Variants in ARMC12 observed in about 807,000 individuals in gnomAD.
ARMC12 encodes the protein armadillo repeat-containing protein 12.
Under a neutral mutation model 37.4 loss-of-function variants are expected in ARMC12, and 25 were observed. That is an observed-to-expected ratio of 0.67 (90% CI 0.49 to 0.93). The LOEUF (loss-of-function observed/expected upper bound fraction) is 0.93. Ranked by LOEUF, ARMC12 falls within the 40% of genes least tolerant of loss-of-function variation. ARMC12 has a pLI of 0.00. For synonymous variants in ARMC12, 167 were observed against 176.1 expected, an observed-to-expected ratio of 0.95 and a Z score of 0.41; for missense variants, 384 against 426.6, an observed-to-expected ratio of 0.90 and a Z score of 0.88.
In ARMC12 at chr6:35,748,909, T is replaced by G; in HGVS notation, c.*39T>G. The G allele has an allele frequency of 6.5e-7, 1 of 1,535,696 alleles. No homozygotes were observed. Among genetic ancestry groups the G allele is most frequent in the South Asian group, 1.3e-5 (1 of 79,002 alleles). ...CAATAAATGAGTATAGGAGAGAAAC[T>G]TGAAGTTTCTTGAAGCTCGAATGTC... On this transcript the variant is annotated 3_prime_UTR_variant, in exon 6 of 6. Coordinates refer to ENST00000373866, the MANE Select transcript of ARMC12 (RefSeq NM_001286574.2).
intron 3 of ARMC12, among the ~76,000 whole-genome samples, chr6:35,745,866 CG>C (rs941246931): frequency 1.6e-4 from 25 of 152,014 alleles, no homozygotes; most frequent in African/African-American, 5.8e-4. Context: ...GCCAACATGG[CG>C]AAAACCCGTC....
At chr6:35,743,538 C>A (rs182051952) in intron 3 of ARMC12, among the ~76,000 whole-genome samples, 1 of 152,060 alleles carries the variant, frequency 6.6e-6, no homozygotes, top group Non-Finnish European at 1.5e-5. Context: ...ATCCTAGAAC[C>A]GAAGATCCCT....
In ARMC12 at chr6:35,738,368, C is replaced by T. The variant is rs773837883; in HGVS notation, c.310-16C>T. ...CCCGCTTCTCCTGCCTCTTCCATCT[C>T]TCCCCAATACTCCAGGCCTCTGCTT... On this transcript the variant is annotated splice_polypyrimidine_tract_variant and intron_variant, in intron 2 of 5. Transcript: ENST00000373866. The T allele has an allele frequency of 6.2e-7, 1 of 1,611,542 alleles. No homozygotes were observed. Among genetic ancestry groups the T allele is most frequent in the African/African-American group, 1.3e-5 (1 of 74,606 alleles).
At chr6:35,745,946 T>G (rs889528381) in intron 3 of ARMC12, among the ~76,000 whole-genome samples, 4 of 152,136 alleles carry the variant, frequency 2.6e-5, no homozygotes, top group Non-Finnish European at 5.9e-5. Flanking sequence ...CTTGGGAGGC[T>G]GAGGCAGGAG....
Position 35,737,124 on chromosome 6 carries a change from C to G in ARMC12, c.16C>G (p.Pro6Ala), listed in dbSNP as rs747366555. ...CACTGAAGACATGGGCAAGAGCATC[C>G]CCCAATACCTGGGGCAACTGGACAT... MGKSI[P>A]QYLGQLDIRK... The change falls in exon 1 of 6, where the codon CCC becomes GCC. Residue 6 changes from proline (P) to alanine (A), a missense_variant. Physicochemically the swap from Pro to Ala is conservative, Grantham distance 27 (BLOSUM62 -1). Coordinates refer to ENST00000373866, the MANE Select transcript of ARMC12 (RefSeq NM_001286574.2). 36 of 1,614,066 alleles carry G rather than the reference C, an allele frequency of 2.2e-5. No individual in the cohort carries two copies. The Admixed American group carries it at 6.0e-4, about 27-fold the overall frequency.
chr6:35,736,711 G>A (rs1236117480), upstream of ARMC12: 16 of 219,846 alleles, frequency 7.3e-5, no homozygotes, highest in East Asian at 1.1e-4. Context: ...AGGCTTAAGC[G>A]ATTCTCCTGC....
chr6:35,747,160 G>A, intron 3 of ARMC12, 101 bp from the exon 4 acceptor site: 1 of 1,315,144 alleles, frequency 7.6e-7, no homozygotes, highest in Non-Finnish European at 1.0e-6. Context: ...TATTGGGTTT[G>A]GCCCAGGGGA....
In ARMC12 at chr6:35,737,159, C is replaced by G; in HGVS notation, c.51C>G (p.Ser17Arg). 1 of 1,614,218 alleles carries G rather than the reference C, an allele frequency of 6.2e-7. No homozygotes were observed. The highest frequency in any genetic ancestry group is 8.5e-7 in the Non-Finnish European group (1 of 1,180,036). Residue 17 changes from serine to arginine, a missense_variant, in exon 1 of 6, where the codon AGC becomes AGG. By Grantham distance (110) the Ser-to-Arg change is moderately radical. Coordinates refer to ENST00000373866, the MANE Select transcript of ARMC12 (RefSeq NM_001286574.2). ...TGGGGCAACTGGACATCCGCAAAAG[C>G]GTAGTCAGCCTGGCCACAGGCGCCG... ...QYLGQLDIRK[S>R]VVSLATGAGA...
intron 3 of ARMC12, among the ~76,000 whole-genome samples, chr6:35,740,526 CA>C (rs1424133760): frequency 1.1e-4 from 16 of 152,142 alleles, no homozygotes. Flanking sequence ...AAATTAAAAA[CA>C]AATAAAATAT....
Position 35,737,286 on chromosome 6 carries a change from C to A in ARMC12, c.163+15C>A. 2.5e-6 allele frequency: 4 copies of A among 1,614,252 alleles called. No homozygotes were observed. The highest frequency in any genetic ancestry group is 3.4e-6 in the Non-Finnish European group (4 of 1,180,046). On this transcript the variant is annotated intron_variant, in intron 1 of 5. Coordinates refer to ENST00000373866, the MANE Select transcript of ARMC12 (RefSeq NM_001286574.2). ...CTGCATCGCCCGTGAGTGTCCGGGCCCTGGGGAGAGGGCTCTGCCCCAGGA... is the reference window on the plus strand; with the variant it reads ...CTGCATCGCCCGTGAGTGTCCGGGCACTGGGGAGAGGGCTCTGCCCCAGGA...
In ARMC12 at chr6:35,748,950, A is replaced by C. The variant is rs1008607186; in HGVS notation, c.*80A>C. 2 of 1,404,308 alleles carry C rather than the reference A, an allele frequency of 1.4e-6. No homozygotes were observed. Among genetic ancestry groups the C allele is most frequent in the Admixed American group, 2.4e-5 (1 of 42,228 alleles). The allele number at this position is 1,404,308 out of a possible 1,614,324, so 87.0% of individuals were successfully genotyped here. Reference sequence around the variant, plus strand: ...CTCGAATGTCTGTTGGTGGCCTTCCAGGGCTGGGTGGAGATTTCATTCAGC... The same window carrying C: ...CTCGAATGTCTGTTGGTGGCCTTCCCGGGCTGGGTGGAGATTTCATTCAGC... On this transcript the variant is annotated 3_prime_UTR_variant, in exon 6 of 6. Coordinates refer to ENST00000373866, the MANE Select transcript of ARMC12 (RefSeq NM_001286574.2).
intron 3 of ARMC12, among the ~76,000 whole-genome samples, chr6:35,738,805 C>T (rs1403757909): frequency 6.6e-6 from 1 of 152,100 alleles, no homozygotes; most frequent in Non-Finnish European, 1.5e-5. Flanking sequence ...GACACCAATT[C>T]CCAACACTGG....
chr6:35,737,772 C>T (rs779798695), intron 1 of ARMC12, among the ~76,000 whole-genome samples: 2 of 152,210 alleles, frequency 1.3e-5, no homozygotes, highest in African/African-American at 2.4e-5. Flanking sequence ...TACTTGTTAC[C>T]GCCATATGCC....
In ARMC12 at chr6:35,737,051, G is replaced by GC. The variant is rs1452953403; in HGVS notation, c.-52dup. 8 of 1,598,398 alleles carry GC rather than the reference G, an allele frequency of 5.0e-6. No homozygotes were observed. The highest frequency in any genetic ancestry group is 1.7e-5 in the Admixed American group (1 of 59,020). ...CCTGCCAGAGTTCTGGTTCCGGAAG[G>GC]CCCCCCACAGGTGCCTTGGGCCTAG... On this transcript the variant is annotated 5_prime_UTR_variant, in exon 1 of 6. Coordinates refer to ENST00000373866, the MANE Select transcript of ARMC12 (RefSeq NM_001286574.2).
intron 3 of ARMC12, among the ~76,000 whole-genome samples, chr6:35,746,058 A>T (rs79354046): frequency 0.11 from 8,100 of 74,452 alleles, 242 homozygotes; most frequent in African/African-American, 0.18. Context: ...AAAATAAAAT[A>T]AAATAAAATT....
chr6:35,746,502 A>G (rs1767341386), intron 3 of ARMC12, among the ~76,000 whole-genome samples: 1 of 152,164 alleles, frequency 6.6e-6, no homozygotes, highest in Admixed American at 6.5e-5. Flanking sequence ...GAGGAGTGAC[A>G]TGTCTAACAT....
upstream of ARMC12, among the ~76,000 whole-genome samples, chr6:35,736,116 A>C (rs1397826568): frequency 6.6e-6 from 1 of 152,206 alleles, no homozygotes; most frequent in East Asian, 1.9e-4. Context: ...AACATGACTT[A>C]AACCACCTGC....
In ARMC12 at chr6:35,748,773, C is replaced by T; in HGVS notation, c.926C>T (p.Ala309Val). The change falls in exon 6 of 6, where the codon GCC becomes GTC. Residue 309 changes from alanine to valine, a missense_variant. Transcript: ENST00000373866. ...CCTGAGGAAGATGTTCAGATCCAGG[C>T]CTGCAAGGTCATTGTCAGCCTGCAG... ...IHPEEDVQIQ[A>V]CKVIVSLQYP... 3 of 1,614,256 alleles carry T rather than the reference C, an allele frequency of 1.9e-6. No homozygotes were observed. The highest frequency in any genetic ancestry group is 1.7e-6 in the Non-Finnish European group (2 of 1,180,052).
intron 5 of ARMC12, among the ~76,000 whole-genome samples, chr6:35,748,235 A>G (rs1024908820): frequency 6.6e-6 from 1 of 152,184 alleles, no homozygotes; most frequent in African/African-American, 2.4e-5. Flanking sequence ...AACAGTCTAC[A>G]AGGATTAAAT....
Sources: allele counts gnomAD v4.1 joint callset (sites outside exome capture counted in the v4.1 genomes callset), GRCh38; gene constraint gnomAD v4.1.1; transcripts MANE v1.5; gene names NCBI Gene and HGNC (gene_info 2026-07-23, HGNC 2026-07-21).